The following PTPN9 variants were observed in gnomAD, a reference collection of about 807,000 sequenced individuals.
The protein encoded by PTPN9 is protein tyrosine phosphatase non-receptor type 9.
PTPN9 carries 26 observed loss-of-function variants against 69.8 expected under a neutral mutation model. The observed-to-expected ratio is 0.37, with a 90% confidence interval of 0.27 to 0.52. The LOEUF (loss-of-function observed/expected upper bound fraction) is 0.52, where lower values mean the gene tolerates loss of function less well. PTPN9 is among the 20% of genes least tolerant of loss of function. PTPN9 has a pLI of 0.91. For missense variants in PTPN9, 549 were observed against 740.3 expected (o/e 0.74, Z 3.00); for synonymous variants, 274 against 272.5 (o/e 1.01, Z -0.05).
chr15:75,495,616 C>G (rs1459492980), intron 7 of PTPN9, among the ~76,000 whole-genome samples: 2 of 152,032 alleles, frequency 1.3e-5, no homozygotes, highest in Non-Finnish European at 2.9e-5. Flanking sequence ...ACTCAGGAGG[C>G]TGAGATATGA....
chr15:75,559,823 A>G (rs1240539366), intron 1 of PTPN9, among the ~76,000 whole-genome samples: 1 of 152,012 alleles, frequency 6.6e-6, no homozygotes, highest in East Asian at 1.9e-4. Flanking sequence ...AAGAAAAGAA[A>G]AAAATGAATA....
At chr15:75,498,569 G>T (rs1273957351) in intron 7 of PTPN9, among the ~76,000 whole-genome samples, 1 of 151,898 alleles carries the variant, frequency 6.6e-6, no homozygotes, top group Non-Finnish European at 1.5e-5. Flanking sequence ...ACAAAAATTC[G>T]TCAGGCATGG....
intron 5 of PTPN9, among the ~76,000 whole-genome samples, chr15:75,516,995 G>A (rs939063393): frequency 1.6e-4 from 23 of 143,908 alleles, no homozygotes; most frequent in Admixed American, 4.8e-4. Context: ...CACCCACCTC[G>A]GCCTCCCAAA....
At chr15:75,496,497 A>ATTTTTT (rs142240420) in intron 7 of PTPN9, among the ~76,000 whole-genome samples, 1 of 147,598 alleles carries the variant, frequency 6.8e-6, no homozygotes, top group African/African-American at 2.5e-5. Flanking sequence ...AGTATTATTA[A>ATTTTTT]CTTTTTTTTT....
intron 8 of PTPN9, among the ~76,000 whole-genome samples, chr15:75,485,561 G>A (rs1350675958): frequency 2.0e-5 from 3 of 148,500 alleles, no homozygotes; most frequent in Admixed American, 1.3e-4. Flanking sequence ...TAGTAGAGAC[G>A]GGGTTTCACC....
intron 1 of PTPN9, among the ~76,000 whole-genome samples, chr15:75,550,385 C>T (rs574840037): frequency 5.7e-4 from 85 of 150,428 alleles, no homozygotes; most frequent in African/African-American, 1.9e-3. Context: ...AGGCTAGTCT[C>T]GAACTCCTGA....
rs1023672328 is a variant in PTPN9, at chr15:75,517,334, A to G, written c.453T>C (p.Phe151=). 6.2e-7 allele frequency: 1 copy of G among 1,613,864 alleles called. No homozygotes were observed. Among genetic ancestry groups the G allele is most frequent in the Non-Finnish European group, 8.5e-7 (1 of 1,179,878 alleles). The stretch of plus-strand genomic sequence containing the variant: ...AATTAGAACCACACATGTCATAGAT[A>G]AACACCAGTCCATTCCTCTGAGTTT... ...SFETQRNGLV[F]IYDMCGSNYA... The change falls in exon 5 of 13, where the codon TTT becomes TTC. Residue 151 remains phenylalanine (F), a synonymous_variant. Coordinates refer to ENST00000618819, the MANE Select transcript of PTPN9 (RefSeq NM_002833.4).
At chr15:75,536,497 G>A (rs2074982863) in intron 1 of PTPN9, among the ~76,000 whole-genome samples, 1 of 152,130 alleles carries the variant, frequency 6.6e-6, no homozygotes. Context: ...TTTTAGGAGT[G>A]CCTTGAAGGA....
intron 7 of PTPN9, among the ~76,000 whole-genome samples, chr15:75,500,962 G>A (rs7178526): frequency 0.019 from 2,870 of 152,128 alleles, 96 homozygotes; most frequent in African/African-American, 0.065. Context: ...ATAGGGGTCT[G>A]GAGCTGGTAG....
chr15:75,542,107 TG>T (rs34759847), intron 1 of PTPN9, among the ~76,000 whole-genome samples: 8,248 of 152,118 alleles, frequency 0.054, 313 homozygotes, highest in East Asian at 0.14. Flanking sequence ...TCTGGATAAA[TG>T]TATATTGGGA....
intron 11 of PTPN9, among the ~76,000 whole-genome samples, chr15:75,470,242 T>G (rs1193102916): frequency 6.6e-6 from 1 of 152,256 alleles, no homozygotes; most frequent in Non-Finnish European, 1.5e-5. Flanking sequence ...TCTCACTCTG[T>G]TGCCCAGGTT....
chr15:75,471,808 G>C (rs1452004915), intron 10 of PTPN9, among the ~76,000 whole-genome samples: 1 of 151,620 alleles, frequency 6.6e-6, no homozygotes, highest in Non-Finnish European at 1.5e-5. Context: ...CCAGCTACTT[G>C]GGAGGCTGAG....
chr15:75,502,533 G>GTA (rs746138084), intron 7 of PTPN9, among the ~76,000 whole-genome samples: 15 of 151,662 alleles, frequency 9.9e-5, no homozygotes, highest in African/African-American at 2.2e-4. Context: ...GTGTGGGTGT[G>GTA]TATATATATA....
At chr15:75,521,665 C>T (rs1365152114) in intron 4 of PTPN9, among the ~76,000 whole-genome samples, 1 of 148,380 alleles carries the variant, frequency 6.7e-6, no homozygotes, top group Non-Finnish European at 1.5e-5. Context: ...GAGCTACAAT[C>T]ATGCTACTGC....
chr15:75,540,338 A>T (rs370696141), intron 1 of PTPN9, among the ~76,000 whole-genome samples: 39 of 152,244 alleles, frequency 2.6e-4, no homozygotes, highest in African/African-American at 9.4e-4. Flanking sequence ...AGGCAGGTGG[A>T]TCTCAAGAGT....
chr15:75,547,297 A>C (rs1352584642), intron 1 of PTPN9, among the ~76,000 whole-genome samples: 6 of 140,372 alleles, frequency 4.3e-5, no homozygotes, highest in Non-Finnish European at 7.8e-5. Context: ...TCTGTCTCAA[A>C]AAAAAAAAAA....
chr15:75,465,100 T>A lies in PTPN9; in HGVS notation c.*3669A>T, dbSNP rs1041263371. The A allele has an allele frequency of 6.6e-6, 1 of 152,184 alleles. No homozygotes were observed. The highest frequency in any genetic ancestry group is 1.5e-5 in the Non-Finnish European group (1 of 68,038). 9.4% of individuals were successfully genotyped at this position (152,184 alleles called of 1,614,324 possible). On this transcript the variant is annotated 3_prime_UTR_variant, in exon 13 of 13. Coordinates refer to ENST00000618819, the MANE Select transcript of PTPN9 (RefSeq NM_002833.4). ...TTCTTTCCTGAACACTGTCTTTCTT[T>A]TTTATTTATTTATTTTTTTTGAGAT...
chr15:75,488,049 G>A (rs2074688543), intron 8 of PTPN9, among the ~76,000 whole-genome samples: 1 of 152,172 alleles, frequency 6.6e-6, no homozygotes, highest in Non-Finnish European at 1.5e-5. Flanking sequence ...GGGAGGCTGA[G>A]GCAGGCGGAT....
chr15:75,546,414 C>T (rs1204673539), intron 1 of PTPN9, among the ~76,000 whole-genome samples: 1 of 151,924 alleles, frequency 6.6e-6, no homozygotes, highest in Non-Finnish European at 1.5e-5. Context: ...GAGGCCGAGG[C>T]GGGCAGATCA....
Sources: gnomAD v4.1 joint callset for allele counts (sites outside exome capture counted in the v4.1 genomes callset) on GRCh38, gnomAD v4.1.1 for gene constraint, MANE v1.5 for transcripts, NCBI Gene and HGNC (gene_info 2026-07-23, HGNC 2026-07-21) for gene names.